Variants in FREM3 observed in about 807,000 individuals in gnomAD.
The protein encoded by FREM3 is FRAS1 related extracellular matrix 3, also known as FRAS1-related extracellular matrix protein 3.
A neutral mutation model predicts 129.1 loss-of-function variants in FREM3; 105 were observed. That is an observed-to-expected ratio of 0.81 (90% CI 0.69 to 0.96). The LOEUF (loss-of-function observed/expected upper bound fraction) is 0.96. FREM3 is among the 40% of genes least tolerant of loss of function. The probability of loss-of-function intolerance (pLI) is 0.00; values close to 1 mark genes in which losing one functional copy is unlikely to be tolerated. For missense variants in FREM3, 2,593 were observed against 2,666.3 expected (o/e 0.97, Z 0.61); for synonymous variants, 1,014 against 1,044.9 (o/e 0.97, Z 0.57).
At chr4:143,666,303 C>T (rs1360213434) in intron 2 of FREM3, among the ~76,000 whole-genome samples, 2 of 152,118 alleles carry the variant, frequency 1.3e-5, no homozygotes, top group Non-Finnish European at 2.9e-5. Flanking sequence ...AATTCTGCAA[C>T]TGCTATGGAA....
chr4:143,599,419 T>C (rs994033697), intron 6 of FREM3, among the ~76,000 whole-genome samples: 1 of 152,196 alleles, frequency 6.6e-6, no homozygotes, highest in African/African-American at 2.4e-5. Flanking sequence ...CTCTGGGCCT[T>C]GCTTTCCTCA....
At chr4:143,677,516 T>C (rs1162694842) in intron 2 of FREM3, among the ~76,000 whole-genome samples, 1 of 152,126 alleles carries the variant, frequency 6.6e-6, no homozygotes, top group African/African-American at 2.4e-5. Flanking sequence ...CCAAAAGCAA[T>C]GGCAACAGAA....
chr4:143,676,163 T>A (rs1346454895), intron 2 of FREM3, among the ~76,000 whole-genome samples: 1 of 152,104 alleles, frequency 6.6e-6, no homozygotes, highest in Non-Finnish European at 1.5e-5. Context: ...GCAAACTGAA[T>A]CCAGCAGCAC....
At chr4:143,591,188 A>C (rs569396304) in intron 6 of FREM3, among the ~76,000 whole-genome samples, 1 of 152,172 alleles carries the variant, frequency 6.6e-6, no homozygotes, top group Non-Finnish European at 1.5e-5. Flanking sequence ...TCAAAAAACC[A>C]GCTCCTGGAT....
chr4:143,577,695 C>T lies in FREM3; in HGVS notation c.6336G>A (p.Val2112=). The T allele has an allele frequency of 6.5e-7, 1 of 1,537,242 alleles. No individual in the cohort carries two copies. The highest frequency in any genetic ancestry group is 8.7e-7 in the Non-Finnish European group (1 of 1,146,880). The change falls in exon 8 of 8, where the codon GTG becomes GTA. Residue 2112 remains valine, a synonymous_variant. Transcript: ENST00000329798. ...ELLLQMPMGA[V]LGEPNKTTIF... is the part of the protein sequence containing the mutation. ...TGGTAGTTTTATTTGGTTCTCCAAG[C>T]ACTGCACCCATAGGCATCTGAAGAA...
chr4:143,648,006 C>A (rs1285322527), intron 2 of FREM3, among the ~76,000 whole-genome samples: 2 of 152,200 alleles, frequency 1.3e-5, no homozygotes, highest in Non-Finnish European at 2.9e-5. Flanking sequence ...GGGGCTGTAT[C>A]CTGCAAAGCC....
chr4:143,591,163 G>A (rs1459481357), intron 6 of FREM3, among the ~76,000 whole-genome samples: 1 of 151,916 alleles, frequency 6.6e-6, no homozygotes, highest in Non-Finnish European at 1.5e-5. Flanking sequence ...CAGTCTATCA[G>A]TTTTGTTGAT....
intron 2 of FREM3, among the ~76,000 whole-genome samples, chr4:143,640,692 A>C (rs1050878729): frequency 6.6e-6 from 1 of 152,156 alleles, no homozygotes; most frequent in Non-Finnish European, 1.5e-5. Flanking sequence ...TTTTAGTAAT[A>C]TAATATAAAG....
intron 2 of FREM3, among the ~76,000 whole-genome samples, chr4:143,654,451 A>G (rs951284581): frequency 3.9e-5 from 6 of 152,236 alleles, no homozygotes. Flanking sequence ...ATAACTTGGA[A>G]TGTAATAAAA....
chr4:143,641,431 A>T (rs908201710), intron 2 of FREM3, among the ~76,000 whole-genome samples: 1 of 152,248 alleles, frequency 6.6e-6, no homozygotes, highest in African/African-American at 2.4e-5. Context: ...CCTTGGATCT[A>T]TCTAACAAAT....
intron 2 of FREM3, chr4:143,645,257 C>A (rs1207160221): frequency 6.6e-6 from 1 of 152,094 alleles, no homozygotes; most frequent in Non-Finnish European, 1.5e-5. Flanking sequence ...TCTACTTAAA[C>A]CTGAGAAAAA....
chr4:143,585,965 T>C lies in FREM3; in HGVS notation c.6057A>G (p.Glu2019=), dbSNP rs1738236587. 6.5e-7 allele frequency: 1 copy of C among 1,537,690 alleles called. No individual in the cohort carries two copies. Among genetic ancestry groups the C allele is most frequent in the African/African-American group, 1.4e-5 (1 of 73,178 alleles). ...AGCGAGCACTTTCATTGACGTGATA[T>C]TCAGCATCCCCAAAGTGCAGGACAG... ...DEPVLHFGDA[E]YHVNESARYV... Residue 2019 remains glutamate (E), a synonymous_variant, in exon 7 of 8, where the codon GAA becomes GAG. Transcript: ENST00000329798. This position sits in a 1 kb window ranked among gnomAD's most constrained non-coding sequence, Gnocchi z 4.2.
Position 143,700,626 on chromosome 4 carries a change from A to T in FREM3, c.50T>A (p.Val17Glu). 2.1e-6 allele frequency: 3 copies of T among 1,445,460 alleles called. No individual in the cohort carries two copies. Among genetic ancestry groups the T allele is most frequent in the Non-Finnish European group, 2.7e-6 (3 of 1,101,990 alleles). The allele number at this position is 1,445,460 out of a possible 1,614,324, so 89.5% of individuals were successfully genotyped here. ...HPTGTPRQLL[V>E]ALACLLLSRP... Reference sequence around the variant, plus strand: ...ACTCAAGAGCAGGCAGGCGAGCGCCACAAGGAGCTGCCGGGGCGTCCCAGT... The same window carrying T: ...ACTCAAGAGCAGGCAGGCGAGCGCCTCAAGGAGCTGCCGGGGCGTCCCAGT... Residue 17 changes from valine (V) to glutamate (E), a missense_variant, in exon 1 of 8, where the codon GTG becomes GAG. Val to Glu is a moderately radical substitution (Grantham distance 121). Around this residue, in one of 2 missense-constraint regions of FREM3, gnomAD observed 2,276 missense variants for 2,267.2 expected, o/e 1.00. Transcript: ENST00000329798.
At chr4:143,579,058 T>C (rs957199517) in intron 7 of FREM3, among the ~76,000 whole-genome samples, 2 of 149,262 alleles carry the variant, frequency 1.3e-5, no homozygotes, top group African/African-American at 2.5e-5. Flanking sequence ...AACTCAAGAG[T>C]TGACAAAAAA....
intron 6 of FREM3, among the ~76,000 whole-genome samples, chr4:143,591,829 TGA>T (rs1382322516): frequency 1.3e-5 from 2 of 152,180 alleles, no homozygotes; most frequent in Non-Finnish European, 2.9e-5. Flanking sequence ...TGTCTAATGT[TGA>T]CAGTCGGGTG....
In FREM3 at chr4:143,697,448, C is replaced by T. The variant is rs186244045; in HGVS notation, c.3228G>A (p.Glu1076=). The change falls in exon 1 of 8, where the codon GAG becomes GAA. Residue 1076 remains glutamate, a synonymous_variant. Coordinates refer to ENST00000329798, the MANE Select transcript of FREM3 (RefSeq NM_001168235.2). ...TCTCACCTTCATAGACAATGAAGGA[C>T]TCCCCGACGAAGACCTTGGGTCCCA... ...DNVGPKVFVG[E]SFIVYEGEKN... 4.4e-4 allele frequency: 678 copies of T among 1,537,162 alleles called. 9 individuals are homozygous for T. The East Asian group carries it at 0.013, about 28-fold the overall frequency.
At chr4:143,637,700 C>T (rs1318538745) in intron 2 of FREM3, among the ~76,000 whole-genome samples, 7 of 151,968 alleles carry the variant, frequency 4.6e-5, no homozygotes, top group Admixed American at 1.3e-4. Flanking sequence ...TTTGTGCAAC[C>T]GTACAAAATA....
At chr4:143,661,557 G>T (rs1280249854) in intron 2 of FREM3, among the ~76,000 whole-genome samples, 8 of 151,348 alleles carry the variant, frequency 5.3e-5, no homozygotes, top group African/African-American at 1.7e-4. Context: ...TCTCTTTTTT[G>T]GTTGTGTCTC....
At chr4:143,642,141 G>A (rs1336792103) in intron 2 of FREM3, among the ~76,000 whole-genome samples, 1 of 152,182 alleles carries the variant, frequency 6.6e-6, no homozygotes, top group East Asian at 1.9e-4. Flanking sequence ...CATTGTTGAA[G>A]AAATTGAAGA....
Sources: gnomAD v4.1 joint callset for allele counts (sites outside exome capture counted in the v4.1 genomes callset) on GRCh38, gnomAD v4.1.1 for gene constraint, gnomAD v4.1.1 regional missense constraint, Gnocchi (gnomAD v3.1) non-coding constraint, MANE v1.5 for transcripts, NCBI Gene and HGNC (gene_info 2026-07-23, HGNC 2026-07-21) for gene names.